The following CHRNA7 variants were observed in gnomAD, a reference collection of about 807,000 sequenced individuals.
CHRNA7 encodes the protein neuronal acetylcholine receptor subunit alpha-7.
In CHRNA7, 17 loss-of-function variants were observed where a neutral mutation model predicts 48.0. That is an observed-to-expected ratio of 0.35 (90% CI 0.24 to 0.53). CHRNA7 has a LOEUF of 0.53. CHRNA7 is among the 20% of genes least tolerant of loss of function. CHRNA7 has a pLI of 0.92. For synonymous variants in CHRNA7, 75 were observed against 242.3 expected, an observed-to-expected ratio of 0.31 and a Z score of 6.41; for missense variants, 155 against 577.7, an observed-to-expected ratio of 0.27 and a Z score of 7.50.
intron 2 of CHRNA7, among the ~76,000 whole-genome samples, chr15:32,039,240 T>G (rs2049405165): frequency 6.6e-6 from 1 of 152,190 alleles, no homozygotes; most frequent in African/African-American, 2.4e-5. Flanking sequence ...CCTCTATTGA[T>G]TTCCTGTTTA....
intron 2 of CHRNA7, among the ~76,000 whole-genome samples, chr15:32,055,628 A>G (rs549185276): frequency 9.4e-4 from 143 of 152,302 alleles, no homozygotes; most frequent in African/African-American, 1.3e-3. Flanking sequence ...CTGTCTCCCA[A>G]TACCATCCTA....
chr15:32,099,301 A>C (rs2050529723), intron 2 of CHRNA7: 1 of 152,238 alleles, frequency 6.6e-6, no homozygotes, highest in Non-Finnish European at 1.5e-5. Context: ...ACAGGTGCCA[A>C]GAGGAGGGAG....
At chr15:32,068,003 A>G (rs546552602) in intron 2 of CHRNA7, among the ~76,000 whole-genome samples, 1 of 152,316 alleles carries the variant, frequency 6.6e-6, no homozygotes, top group South Asian at 2.1e-4. Flanking sequence ...AATCATAAAA[A>G]GCACCTAAGA....
intron 2 of CHRNA7, among the ~76,000 whole-genome samples, chr15:32,080,680 T>C (rs1018036024): frequency 6.6e-6 from 1 of 152,218 alleles, no homozygotes; most frequent in Non-Finnish European, 1.5e-5. Context: ...TAGGAATGCT[T>C]GTATTCTGTT....
intron 1 of CHRNA7, 77 bp downstream of exon 1, chr15:32,030,726 G>C (rs2292571): frequency 6.5e-7 from 1 of 1,533,542 alleles, no homozygotes; most frequent in East Asian, 2.5e-5. Context: ...TGCGCCCCGC[G>C]CCTGGGCCAG....
chr15:32,126,295 C>T (rs1243575180), intron 4 of CHRNA7, among the ~76,000 whole-genome samples: 1 of 152,078 alleles, frequency 6.6e-6, no homozygotes, highest in Non-Finnish European at 1.5e-5. Context: ...ATGTTTTGTC[C>T]CTACCAGTGG....
intron 2 of CHRNA7, among the ~76,000 whole-genome samples, chr15:32,062,867 A>G (rs890108480): frequency 4.6e-5 from 7 of 152,186 alleles, no homozygotes; most frequent in African/African-American, 1.7e-4. Context: ...TCGTTCTTGT[A>G]CAAACATCAG....
At chr15:32,030,832 G>T (rs951595592) in intron 1 of CHRNA7, 66 bp from the exon 2 acceptor site, 8 of 1,566,710 alleles carry the variant, frequency 5.1e-6, no homozygotes, top group Non-Finnish European at 6.9e-6. Context: ...GACGCCGGCA[G>T]GAGGGAGTCG....
At chr15:32,048,486 G>T (rs2049598233) in intron 2 of CHRNA7, among the ~76,000 whole-genome samples, 1 of 152,172 alleles carries the variant, frequency 6.6e-6, no homozygotes, top group Admixed American at 6.5e-5. Context: ...TCTGATGATA[G>T]TTTGTATTTC....
intron 2 of CHRNA7, among the ~76,000 whole-genome samples, chr15:32,048,362 TATTC>T (rs2049594689): frequency 6.6e-6 from 1 of 152,244 alleles, no homozygotes; most frequent in Non-Finnish European, 1.5e-5. Context: ...GTTACTGGTC[TATTC>T]AGAGATTCAA....
At chr15:32,093,148 C>T (rs1237295021) in intron 2 of CHRNA7, among the ~76,000 whole-genome samples, 1 of 152,124 alleles carries the variant, frequency 6.6e-6, no homozygotes, top group African/African-American at 2.4e-5. Context: ...ATTCCTGCTC[C>T]ACTCAGTATG....
chr15:32,120,060 A>C (rs954564810), intron 4 of CHRNA7, among the ~76,000 whole-genome samples: 8 of 152,146 alleles, frequency 5.3e-5, no homozygotes, highest in African/African-American at 1.9e-4. Flanking sequence ...GTGCCAGCAG[A>C]TGATAGCCAG....
Position 32,135,486 on chromosome 15 carries a change from A to T in CHRNA7, c.351-18421A>T, listed in dbSNP as rs542306727. The stretch of plus-strand genomic sequence containing the variant: ...AAGTCAAGGCACTACCAATTAAATC[A>T]CTACTGGGCGACTGAGAACTTCCGC... On this transcript the variant is annotated intron_variant, in intron 4 of 9. Coordinates refer to ENST00000306901, the MANE Select transcript of CHRNA7 (RefSeq NM_000746.6). Among the ~76,000 whole-genome samples, 106 of 152,302 alleles carry T rather than the reference A, an allele frequency of 7.0e-4. 1 individual carries two copies. In the Middle Eastern group the frequency reaches 0.01, roughly 15 times the overall value.
intron 2 of CHRNA7, chr15:32,098,523 C>T (rs2050511915): frequency 6.6e-6 from 1 of 152,354 alleles, no homozygotes. Flanking sequence ...AACTGCCTCT[C>T]ATCTGTGGTC....
chr15:32,031,465 C>A (rs1270279889), intron 2 of CHRNA7, among the ~76,000 whole-genome samples: 1 of 152,216 alleles, frequency 6.6e-6, no homozygotes, highest in African/African-American at 2.4e-5. Flanking sequence ...TATGTAACTT[C>A]TTTGGTGGGG....
intron 4 of CHRNA7, among the ~76,000 whole-genome samples, chr15:32,114,425 G>A (rs1034972810): frequency 8.6e-5 from 13 of 151,972 alleles, no homozygotes; most frequent in Non-Finnish European, 7.4e-5. Context: ...CCCAGCTGCC[G>A]GTGCAGAACC....
At chr15:32,063,056 C>A (rs1245779319) in intron 2 of CHRNA7, among the ~76,000 whole-genome samples, 2 of 152,004 alleles carry the variant, frequency 1.3e-5, no homozygotes, top group African/African-American at 4.8e-5. Context: ...AGTAAAAATA[C>A]AGAATAAAAG....
intron 4 of CHRNA7, among the ~76,000 whole-genome samples, chr15:32,148,585 T>C (rs2051542836): frequency 6.6e-6 from 1 of 152,138 alleles, no homozygotes; most frequent in South Asian, 2.1e-4. Context: ...AAAGGTGTGA[T>C]CTCAGACCCA....
chr15:32,068,616 G>A (rs1052695195), intron 2 of CHRNA7, among the ~76,000 whole-genome samples: 9 of 152,034 alleles, frequency 5.9e-5, no homozygotes, highest in African/African-American at 1.2e-4. Flanking sequence ...CCAGCTATTC[G>A]GGAGGCTGAG....
Sources: gnomAD v4.1 joint callset for allele counts (sites outside exome capture counted in the v4.1 genomes callset) on GRCh38, gnomAD v4.1.1 for gene constraint, MANE v1.5 for transcripts, NCBI Gene and HGNC (gene_info 2026-07-23, HGNC 2026-07-21) for gene names.